The following GABRA3 variants were observed in gnomAD, a reference collection of about 807,000 sequenced individuals.
GABRA3 encodes gamma-aminobutyric acid receptor subunit alpha-3.
In GABRA3, 10 loss-of-function variants were observed where a neutral mutation model predicts 30.1. The ratio of observed to expected loss-of-function variants is 0.33; its 90% confidence interval spans 0.20 to 0.56. The LOEUF is 0.56. GABRA3 is among the 20% of genes least tolerant of loss of function. The probability of loss-of-function intolerance (pLI) is 0.89; values close to 1 mark genes in which losing one functional copy is unlikely to be tolerated. For synonymous variants in GABRA3, 151 were observed against 146.8 expected, an observed-to-expected ratio of 1.03 and a Z score of -0.21; for missense variants, 233 against 392.0, an observed-to-expected ratio of 0.59 and a Z score of 3.42.
chrX:152,294,672 TGGTG>T (rs1939492310), intron 3 of GABRA3, among the ~76,000 whole-genome samples: 1 of 111,563 alleles, frequency 9.0e-6, no homozygotes, highest in African/African-American at 3.3e-5. Flanking sequence ...GTTCCATTGC[TGGTG>T]AGGAGCTGCG....
intron 1 of GABRA3, among the ~76,000 whole-genome samples, chrX:152,412,067 C>T (rs750710929): frequency 2.0e-4 from 22 of 110,467 alleles, no homozygotes; most frequent in South Asian, 7.6e-4. Flanking sequence ...AACAAGCACA[C>T]GAAAAAATGT....
Position 152,309,510 on chromosome X carries a change from G to GA in GABRA3, c.263-24776dup, listed in dbSNP as rs144483235. 4.4e-3 allele frequency among the ~76,000 whole-genome samples: 443 copies of GA among 99,724 alleles called. 8 individuals are homozygous for GA. Among genetic ancestry groups the GA allele is most frequent in the Non-Finnish European group, 4.4e-3 (212 of 48,422 alleles). The allele number at this position is 99,724 out of a possible 115,157, so 86.6% of individuals were successfully genotyped here. A position where few individuals can be genotyped will look rare whatever the true frequency, so the allele number is the denominator to read the frequency against. ...GGCCCATATTCAGCATCATAAAAGA[G>GA]AAAAAAAAAAAGATTTTTATATCCA... is the stretch of plus-strand genomic sequence containing the variant. On this transcript the variant is annotated intron_variant, in intron 3 of 9. Coordinates refer to ENST00000370314, the MANE Select transcript of GABRA3 (RefSeq NM_000808.4).
chrX:152,275,361 T>A (rs1322402360), intron 4 of GABRA3, among the ~76,000 whole-genome samples: 1 of 97,612 alleles, frequency 1.0e-5, no homozygotes, highest in African/African-American at 3.8e-5. Context: ...ATATATATTT[T>A]AAATATAAAA....
At chrX:152,359,166 G>T (rs1403172848) in intron 2 of GABRA3, among the ~76,000 whole-genome samples, 1 of 111,394 alleles carries the variant, frequency 9.0e-6, no homozygotes, top group Non-Finnish European at 1.9e-5. Context: ...GGTAGAATTT[G>T]GCTGTGAATT....
At chrX:152,253,948 G>A (rs1174916876) in intron 5 of GABRA3, among the ~76,000 whole-genome samples, 1 of 111,537 alleles carries the variant, frequency 9.0e-6, no homozygotes, top group African/African-American at 3.3e-5. Flanking sequence ...CTCTCAACCT[G>A]TCCCAAAACA....
chrX:152,371,710 C>G (rs1369326561), intron 1 of GABRA3, among the ~76,000 whole-genome samples: 4 of 111,470 alleles, frequency 3.6e-5, no homozygotes, highest in African/African-American at 1.3e-4. Context: ...ATCATTCCCT[C>G]ATACTATCTA....
At chrX:152,271,981 T>G (rs1424993664) in intron 4 of GABRA3, among the ~76,000 whole-genome samples, 2 of 112,097 alleles carry the variant, frequency 1.8e-5, no homozygotes, top group African/African-American at 6.5e-5. Context: ...TGGAAACTCC[T>G]GGATGTCCAG....
At chrX:152,317,128 A>G (rs2124463822) in intron 3 of GABRA3, among the ~76,000 whole-genome samples, 1 of 111,629 alleles carries the variant, frequency 9.0e-6, no homozygotes, top group African/African-American at 3.2e-5. Context: ...CTAACAAATA[A>G]GGAGTTTGCA....
intron 7 of GABRA3, among the ~76,000 whole-genome samples, chrX:152,200,040 A>G (rs1306981186): frequency 8.9e-6 from 1 of 111,815 alleles, no homozygotes; most frequent in South Asian, 3.7e-4. Context: ...CTCCTCTTCA[A>G]TGCATTCATA....
intron 3 of GABRA3, among the ~76,000 whole-genome samples, chrX:152,311,018 T>C (rs190353290): frequency 3.6e-5 from 4 of 111,059 alleles, no homozygotes; most frequent in East Asian, 5.6e-4. Context: ...GAGGAAGAAA[T>C]TGAAACCCTG....
At chrX:152,314,235 T>C (rs1299840184) in intron 3 of GABRA3, among the ~76,000 whole-genome samples, 1 of 111,798 alleles carries the variant, frequency 8.9e-6, no homozygotes, top group African/African-American at 3.3e-5. Context: ...ATCATAATTT[T>C]ATGTTTTCAG....
At chrX:152,298,587 G>T (rs905921339) in intron 3 of GABRA3, among the ~76,000 whole-genome samples, 3 of 110,827 alleles carry the variant, frequency 2.7e-5, no homozygotes, top group Admixed American at 9.6e-5. Flanking sequence ...GTGTTCCATG[G>T]TGTATATGTG....
intron 5 of GABRA3, among the ~76,000 whole-genome samples, chrX:152,235,762 T>G (rs1035671453): frequency 1.8e-5 from 2 of 111,152 alleles, no homozygotes; most frequent in Non-Finnish European, 3.8e-5. Flanking sequence ...AGAATTCATA[T>G]TATTAAAATA....
At chrX:152,292,856 C>A (rs781621582) in intron 3 of GABRA3, among the ~76,000 whole-genome samples, 63 of 111,706 alleles carry the variant, frequency 5.6e-4, no homozygotes, top group African/African-American at 1.9e-3. Flanking sequence ...CGTAGCTGTG[C>A]GGTTTTGAGT....
chrX:152,217,572 A>G (rs775604587), intron 6 of GABRA3, among the ~76,000 whole-genome samples: 1 of 111,644 alleles, frequency 9.0e-6, no homozygotes, highest in South Asian at 3.6e-4. Context: ...GTTTTGTACA[A>G]TTCAATGGTG....
rs1455004318 is a variant in GABRA3 at position 152,227,365 on chromosome X, C to A, written c.552-2520G>T. On this transcript the variant is annotated intron_variant, in intron 5 of 9. Coordinates refer to ENST00000370314, the MANE Select transcript of GABRA3 (RefSeq NM_000808.4). Reference sequence around the variant, plus strand: ...CATGGACACAGGAAGGGGAACATCACACTCTGGGGACTGTTGTGGGGTGGG... The same window carrying A: ...CATGGACACAGGAAGGGGAACATCAAACTCTGGGGACTGTTGTGGGGTGGG... 1.4e-4 allele frequency among the ~76,000 whole-genome samples: 10 copies of A among 71,710 alleles called. 1 individual carries two copies. The highest frequency in any genetic ancestry group is 7.3e-5 in the Non-Finnish European group (3 of 41,008). 62.3% of individuals were successfully genotyped at this position (71,710 alleles called of 115,157 possible).
chrX:152,260,079 G>T (rs1343698525), intron 4 of GABRA3, among the ~76,000 whole-genome samples: 1 of 110,299 alleles, frequency 9.1e-6, no homozygotes, highest in Admixed American at 9.8e-5. Flanking sequence ...TGGGCCTTAA[G>T]GGAACATCAG....
chrX:152,375,440 G>C (rs981271423), intron 1 of GABRA3, among the ~76,000 whole-genome samples: 1 of 111,988 alleles, frequency 8.9e-6, no homozygotes, highest in Non-Finnish European at 1.9e-5. Flanking sequence ...ACCTTATTCT[G>C]TTATTCTTCT....
chrX:152,335,692 G>C (rs1184628038), intron 3 of GABRA3, among the ~76,000 whole-genome samples: 1 of 111,605 alleles, frequency 9.0e-6, no homozygotes, highest in Non-Finnish European at 1.9e-5. Context: ...TGATGTCTGG[G>C]CTTTTACTAT....
Sources: allele counts gnomAD v4.1 joint callset (sites outside exome capture counted in the v4.1 genomes callset), GRCh38; gene constraint gnomAD v4.1.1; transcripts MANE v1.5; gene names NCBI Gene and HGNC (gene_info 2026-07-23, HGNC 2026-07-21).